EBF1: variants seen among roughly 807,000 people sequenced by gnomAD.
EBF1 encodes the protein transcription factor COE1.
EBF1 carries 10 observed loss-of-function variants against 68.4 expected under a neutral mutation model. That is an observed-to-expected ratio of 0.15 (90% CI 0.09 to 0.25). The LOEUF (loss-of-function observed/expected upper bound fraction) is 0.25. EBF1 is among the 10% of genes least tolerant of loss of function. EBF1 has a pLI of 1.00. For synonymous variants in EBF1, 298 were observed against 299.8 expected (o/e 0.99, Z 0.06); for missense variants, 509 against 794.4 (o/e 0.64, Z 4.32).
intron 10 of EBF1, among the ~76,000 whole-genome samples, chr5:158,766,707 G>A (rs1344532526): frequency 6.6e-6 from 1 of 152,116 alleles, no homozygotes; most frequent in Non-Finnish European, 1.5e-5. Flanking sequence ...AAATTATGGT[G>A]CAGCCATCAG....
intron 6 of EBF1, among the ~76,000 whole-genome samples, chr5:158,880,556 C>A (rs1027506328): frequency 6.6e-6 from 1 of 152,198 alleles, no homozygotes; most frequent in Non-Finnish European, 1.5e-5. Flanking sequence ...AAGTCCTCTC[C>A]CTTAGAGTCA....
At chr5:158,892,184 G>A (rs941416159) in intron 6 of EBF1, among the ~76,000 whole-genome samples, 2 of 152,046 alleles carry the variant, frequency 1.3e-5, no homozygotes, top group African/African-American at 4.8e-5. Context: ...TACAGGTTAA[G>A]CATCCCTAAT....
chr5:158,944,213 C>T (rs1172660664), intron 6 of EBF1, among the ~76,000 whole-genome samples: 5 of 152,138 alleles, frequency 3.3e-5, no homozygotes, highest in Admixed American at 1.3e-4. Context: ...TGCCATCCCT[C>T]CCCTTGTCCT....
chr5:158,937,394 A>T (rs1812245021), intron 6 of EBF1, among the ~76,000 whole-genome samples: 1 of 152,198 alleles, frequency 6.6e-6, no homozygotes, highest in South Asian at 2.1e-4. Context: ...AAGGGAAGCC[A>T]CGAGGATTAA....
chr5:159,020,105 A>G (rs528475499), intron 6 of EBF1, among the ~76,000 whole-genome samples: 1 of 152,048 alleles, frequency 6.6e-6, no homozygotes, highest in East Asian at 1.9e-4. Flanking sequence ...GTTGCCTCCT[A>G]TGTCAGTCAA....
intron 10 of EBF1, among the ~76,000 whole-genome samples, chr5:158,767,704 A>T (rs1773045316): frequency 6.6e-6 from 1 of 152,096 alleles, no homozygotes; most frequent in African/African-American, 2.4e-5. Flanking sequence ...AGGGTGAAAA[A>T]AAAGGTGTGG....
At chr5:158,881,850 T>A (rs903106983) in intron 6 of EBF1, among the ~76,000 whole-genome samples, 3 of 152,156 alleles carry the variant, frequency 2.0e-5, no homozygotes, top group Admixed American at 1.3e-4. Context: ...AATGCAGGGA[T>A]TCTCAGGAGT....
intron 6 of EBF1, among the ~76,000 whole-genome samples, chr5:158,882,285 AT>A (rs1799041671): frequency 6.6e-6 from 1 of 152,220 alleles, no homozygotes; most frequent in South Asian, 2.1e-4. Context: ...AGAAATGTTC[AT>A]TTAGTAACGT....
At chr5:159,069,324 TCAAA>T (rs368618968) in intron 6 of EBF1, among the ~76,000 whole-genome samples, 265 of 151,948 alleles carry the variant, frequency 1.7e-3, no homozygotes, top group African/African-American at 5.6e-3. Context: ...AATTCTAAAT[TCAAA>T]CAAACAAACA....
intron 6 of EBF1, among the ~76,000 whole-genome samples, chr5:158,956,174 AC>A (rs1817032768): frequency 6.6e-6 from 1 of 151,972 alleles, no homozygotes; most frequent in Non-Finnish European, 1.5e-5. Flanking sequence ...ACTCCAGTCC[AC>A]AGTCTTGTAG....
intron 6 of EBF1, among the ~76,000 whole-genome samples, chr5:159,017,046 T>C (rs1765737172): frequency 6.6e-6 from 1 of 152,226 alleles, no homozygotes; most frequent in Admixed American, 6.5e-5. Flanking sequence ...GTAAAATTAA[T>C]TTCAGCAATG....
intron 6 of EBF1, among the ~76,000 whole-genome samples, chr5:158,930,673 C>T (rs981621746): frequency 2.0e-5 from 3 of 152,192 alleles, no homozygotes; most frequent in Admixed American, 2.0e-4. Context: ...TTCCACACTG[C>T]CTTCTTCATA....
intron 6 of EBF1, among the ~76,000 whole-genome samples, chr5:159,022,238 C>A (rs1048040956): frequency 1.6e-4 from 24 of 152,170 alleles, no homozygotes; most frequent in African/African-American, 5.8e-4. Context: ...TGTTGTCACA[C>A]AGCATAATTA....
chr5:159,023,597 C>T (rs1395172681), intron 6 of EBF1, among the ~76,000 whole-genome samples: 1 of 152,188 alleles, frequency 6.6e-6, no homozygotes, highest in Non-Finnish European at 1.5e-5. Flanking sequence ...TACAAATCTA[C>T]ATGGTTTGTA....
intron 6 of EBF1, among the ~76,000 whole-genome samples, chr5:158,895,929 A>G (rs531714717): frequency 6.6e-6 from 1 of 152,324 alleles, no homozygotes; most frequent in East Asian, 1.9e-4. Flanking sequence ...TGCATTCTTG[A>G]TTCAGCACAA....
intron 6 of EBF1, among the ~76,000 whole-genome samples, chr5:158,873,612 A>C (rs1797279916): frequency 6.6e-6 from 1 of 152,234 alleles, no homozygotes; most frequent in Non-Finnish European, 1.5e-5. Context: ...TTAAAAGTGA[A>C]TGTAAACAAA....
chr5:158,945,342 T>C (rs911113465), intron 6 of EBF1, among the ~76,000 whole-genome samples: 1 of 152,244 alleles, frequency 6.6e-6, no homozygotes, highest in East Asian at 1.9e-4. Context: ...CTTTCCCCAT[T>C]ACTTGTTTTT....
chr5:158,808,736 G>A (rs1782050503), intron 8 of EBF1, among the ~76,000 whole-genome samples: 1 of 152,174 alleles, frequency 6.6e-6, no homozygotes. Flanking sequence ...GGAGGAAGAA[G>A]AGAAGTTGCT....
chr5:158,704,000 T>G (rs572324459), intron 15 of EBF1, among the ~76,000 whole-genome samples: 2 of 152,362 alleles, frequency 1.3e-5, no homozygotes, highest in South Asian at 4.1e-4. Flanking sequence ...CCTAACCTAG[T>G]GACTTGAATA....
Sources: gnomAD v4.1 joint callset for allele counts (sites outside exome capture counted in the v4.1 genomes callset) on GRCh38, gnomAD v4.1.1 for gene constraint, MANE v1.5 for transcripts, NCBI Gene and HGNC (gene_info 2026-07-23, HGNC 2026-07-21) for gene names.